ACSL1: variants seen among roughly 807,000 people sequenced by gnomAD.
ACSL1 encodes long-chain-fatty-acid--CoA ligase 1.
In ACSL1, 41 loss-of-function variants were observed where a neutral mutation model predicts 98.4. The observed-to-expected ratio is 0.42, with a 90% CI of 0.32 to 0.54. The LOEUF is 0.54. ACSL1 is among the 20% of genes least tolerant of loss of function. The probability of loss-of-function intolerance (pLI) is 0.13; values close to 1 mark genes in which losing one functional copy is unlikely to be tolerated. For synonymous variants in ACSL1, 316 were observed against 322.7 expected (o/e 0.98, Z 0.22); for missense variants, 734 against 883.1 (o/e 0.83, Z 2.14).
chr4:184,811,811 T>C (rs1451397926), intron 1 of ACSL1, among the ~76,000 whole-genome samples: 4 of 152,124 alleles, frequency 2.6e-5, no homozygotes, highest in Non-Finnish European at 5.9e-5. Flanking sequence ...CATGACAAAT[T>C]TTATGTTATA....
intron 10 of ACSL1, among the ~76,000 whole-genome samples, chr4:184,770,843 A>G (rs984256265): frequency 1.2e-4 from 19 of 152,186 alleles, no homozygotes; most frequent in Admixed American, 1.2e-3. Flanking sequence ...AATGAAAAAC[A>G]AGGGGCATGG....
chr4:184,769,006 T>C (rs576208621), intron 11 of ACSL1, among the ~76,000 whole-genome samples: 4 of 151,570 alleles, frequency 2.6e-5, no homozygotes, highest in South Asian at 4.2e-4. Context: ...GAGGCGGAGA[T>C]TGCAGTGGGC....
chr4:184,809,753 G>A lies in ACSL1; in HGVS notation c.-32-6207C>T, dbSNP rs932021395. Among the ~76,000 whole-genome samples the A allele has an allele frequency of 7.2e-5, 11 of 152,206 alleles. No homozygotes were observed. The East Asian group carries it at 1.5e-3, about 21-fold the overall frequency. On this transcript the variant is annotated intron_variant, in intron 1 of 20. Transcript: ENST00000281455. ...GGAGCTTGCAGTAAGCTGAGATCGCGCCACTGCACTCCAGCCTGGGCGACA... is the reference window on the plus strand; with the variant it reads ...GGAGCTTGCAGTAAGCTGAGATCGCACCACTGCACTCCAGCCTGGGCGACA...
chr4:184,810,057 CA>C (rs1268999341), intron 1 of ACSL1, among the ~76,000 whole-genome samples: 1 of 152,182 alleles, frequency 6.6e-6, no homozygotes, highest in Non-Finnish European at 1.5e-5. Flanking sequence ...GATATTAGAA[CA>C]GGAGAAATTT....
At chr4:184,770,175 T>G in intron 11 of ACSL1, 2 of 1,270,254 alleles carry the variant, frequency 1.6e-6, no homozygotes, top group South Asian at 1.4e-5. Context: ...TTATATTCTT[T>G]CAAATAATCT....
chr4:184,760,015 T>C (rs1762637656), intron 18 of ACSL1, among the ~76,000 whole-genome samples: 2 of 152,220 alleles, frequency 1.3e-5, no homozygotes. Flanking sequence ...TTTAATATGT[T>C]TGAAAATTGT....
chr4:184,790,809 G>A (rs1234372808), intron 2 of ACSL1, among the ~76,000 whole-genome samples: 1 of 152,126 alleles, frequency 6.6e-6, no homozygotes, highest in African/African-American at 2.4e-5. Flanking sequence ...TCTAACTACA[G>A]TACAAGTCCT....
At chr4:184,813,552 A>T (rs1371339310) in intron 1 of ACSL1, 1 of 228,404 alleles carries the variant, frequency 4.4e-6, no homozygotes, top group East Asian at 9.7e-5. Context: ...TCAGCACAGG[A>T]AGAGTCGGAA....
intron 15 of ACSL1, among the ~76,000 whole-genome samples, chr4:184,763,968 T>C (rs140692229): frequency 1.3e-5 from 2 of 152,316 alleles, no homozygotes; most frequent in Non-Finnish European, 2.9e-5. Context: ...ATTAAACAAA[T>C]ACCATAAAGA....
intron 4 of ACSL1, among the ~76,000 whole-genome samples, chr4:184,783,646 G>A (rs981127230): frequency 9.2e-5 from 14 of 152,278 alleles, no homozygotes; most frequent in East Asian, 5.8e-4. Context: ...CAGGGGGACC[G>A]GGAGAGTTTC....
intron 3 of ACSL1, among the ~76,000 whole-genome samples, chr4:184,786,808 C>G (rs1767453483): frequency 6.6e-6 from 1 of 151,700 alleles, no homozygotes; most frequent in Admixed American, 6.6e-5. Flanking sequence ...ATTCTCCTGC[C>G]TCAGCCTCCT....
rs1395719205 is a variant in ACSL1, at chr4:184,773,882, T to C, written c.757-7A>G. 9 of 1,613,672 alleles carry C rather than the reference T, an allele frequency of 5.6e-6. No individual in the cohort carries two copies. The South Asian group carries it at 8.8e-5, about 16-fold the overall frequency. The stretch of plus-strand genomic sequence containing the variant: ...TGTTGGCTCTTCCCAGGTCCTTAAT[T>C]AGAAGAGAAAAAAAGTCTTAAATGG... On this transcript the variant is annotated splice_polypyrimidine_tract_variant and splice_region_variant and intron_variant, in intron 7 of 20. Transcript: ENST00000281455. The surrounding 1 kb of genome is among the most constrained non-coding windows in gnomAD (Gnocchi z 4.3).
chr4:184,765,349 T>C (rs569776233), intron 14 of ACSL1, among the ~76,000 whole-genome samples: 3 of 152,330 alleles, frequency 2.0e-5, no homozygotes, highest in African/African-American at 7.2e-5. Flanking sequence ...AAAGGTTGTC[T>C]TGCACCTGAT....
intron 7 of ACSL1, among the ~76,000 whole-genome samples, chr4:184,775,830 T>C (rs1765205057): frequency 6.6e-6 from 1 of 152,264 alleles, no homozygotes; most frequent in Non-Finnish European, 1.5e-5. Flanking sequence ...TTATGATATG[T>C]ATATGAAAAG....
At chr4:184,792,959 G>T (rs1250354614) in intron 2 of ACSL1, among the ~76,000 whole-genome samples, 1 of 152,082 alleles carries the variant, frequency 6.6e-6, no homozygotes, top group Non-Finnish European at 1.5e-5. Flanking sequence ...TTCTAGGGAC[G>T]CCTATTTAAA....
rs1773434911 is a variant in ACSL1, at chr4:184,825,779, C to G, written c.-33+137G>C. 1.3e-5 allele frequency: 2 copies of G among 149,594 alleles called. No individual in the cohort carries two copies. The highest frequency in any genetic ancestry group is 4.1e-4 in the South Asian group (2 of 4,830). 9.3% of individuals were successfully genotyped at this position (149,594 alleles called of 1,614,324 possible). A position where few individuals can be genotyped will look rare whatever the true frequency, so the allele number is the denominator to read the frequency against. ...CGGAAAGGCGGCGCGGCCCCACGAG[C>G]CTGGGGTGGCTCACGCGCCTCCGCG... On this transcript the variant is annotated intron_variant, in intron 1 of 20. Coordinates refer to ENST00000281455, the MANE Select transcript of ACSL1 (RefSeq NM_001995.5). The surrounding 1 kb of genome is among the most constrained non-coding windows in gnomAD (Gnocchi z 4.7).
At chr4:184,779,215 G>A (rs904115607) in intron 5 of ACSL1, among the ~76,000 whole-genome samples, 16 of 152,148 alleles carry the variant, frequency 1.1e-4, no homozygotes, top group Admixed American at 3.9e-4. Flanking sequence ...AGGGACCCTG[G>A]GGGAGGTAAT....
chr4:184,770,132 T>C, intron 11 of ACSL1: 1 of 927,054 alleles, frequency 1.1e-6, no homozygotes, highest in Non-Finnish European at 1.6e-6. Context: ...AGTGATTAAA[T>C]TCCAGTATCC....
chr4:184,759,016 G>T (rs1468890921), intron 18 of ACSL1: 1 of 150,012 alleles, frequency 6.7e-6, no homozygotes, highest in Non-Finnish European at 1.5e-5. Flanking sequence ...TTTTGTCCTT[G>T]TGATAGTTTG....
Sources: allele counts gnomAD v4.1 joint callset (sites outside exome capture counted in the v4.1 genomes callset), GRCh38; gene constraint gnomAD v4.1.1; non-coding constraint Gnocchi (gnomAD v3.1); transcripts MANE v1.5; gene names NCBI Gene and HGNC (gene_info 2026-07-23, HGNC 2026-07-21).